Variants in PKIB observed in about 807,000 individuals in gnomAD.
PKIB encodes cAMP-dependent protein kinase inhibitor beta, also known as PKI-beta.
A neutral mutation model predicts 4.5 loss-of-function variants in PKIB; 2 were observed. The ratio of observed to expected loss-of-function variants is 0.44; its 90% CI spans 0.18 to 1.39. The LOEUF (loss-of-function observed/expected upper bound fraction) is 1.39, where lower values mean the gene tolerates loss of function less well. Ranked by LOEUF, PKIB falls within the 40% of genes most tolerant of loss-of-function variation. PKIB has a pLI of 0.27. For synonymous variants in PKIB, 38 were observed against 36.0 expected (o/e 1.06, Z -0.20); for missense variants, 94 against 92.6 (o/e 1.02, Z -0.06).
chr6:122,589,672 T>C (rs77249589), intron 3 of PKIB, among the ~76,000 whole-genome samples: 1,990 of 152,286 alleles, frequency 0.013, 50 homozygotes, highest in African/African-American at 0.046. Flanking sequence ...GGAGAGAATA[T>C]GCAGATGTGG....
intron 2 of PKIB, among the ~76,000 whole-genome samples, chr6:122,550,034 C>A (rs1409130857): frequency 6.6e-6 from 1 of 151,848 alleles, no homozygotes; most frequent in Non-Finnish European, 1.5e-5. Flanking sequence ...CCTGCCTCAG[C>A]CTCCCGAGAA....
intron 2 of PKIB, among the ~76,000 whole-genome samples, chr6:122,674,529 T>C (rs1377961088): frequency 6.6e-6 from 1 of 152,172 alleles, no homozygotes; most frequent in Non-Finnish European, 1.5e-5. Flanking sequence ...AGGAATAATA[T>C]ATAGGTAGTT....
At chr6:122,546,897 C>G (rs767845844) in intron 2 of PKIB, among the ~76,000 whole-genome samples, 3 of 152,028 alleles carry the variant, frequency 2.0e-5, no homozygotes, top group Non-Finnish European at 4.4e-5. Context: ...AGAGATGAGA[C>G]TTTCACACAT....
At chr6:122,712,902 G>A (rs1779329781) in intron 3 of PKIB, among the ~76,000 whole-genome samples, 1 of 152,130 alleles carries the variant, frequency 6.6e-6, no homozygotes, top group African/African-American at 2.4e-5. Flanking sequence ...TTATAATTAT[G>A]CTTCTAACAT....
At chr6:122,606,076 A>C (rs1347595325), upstream of PKIB, among the ~76,000 whole-genome samples, 1 of 152,192 alleles carries the variant, frequency 6.6e-6, no homozygotes, top group Non-Finnish European at 1.5e-5. Context: ...TCGAAGATGC[A>C]ATTAAAGTAA....
chr6:122,636,627 G>A (rs1053364285), intron 2 of PKIB, among the ~76,000 whole-genome samples: 14 of 152,112 alleles, frequency 9.2e-5, no homozygotes, highest in Middle Eastern at 3.4e-3. Flanking sequence ...TGTTGTACAC[G>A]TTAGCTTCCT....
intron 3 of PKIB, among the ~76,000 whole-genome samples, chr6:122,602,817 G>A (rs1332532001): frequency 6.6e-6 from 1 of 151,962 alleles, no homozygotes; most frequent in Non-Finnish European, 1.5e-5. Context: ...TTAGCCGGGT[G>A]TGGTGGTGCA....
At chr6:122,602,087 C>G (rs1157143960) in intron 3 of PKIB, among the ~76,000 whole-genome samples, 1 of 150,620 alleles carries the variant, frequency 6.6e-6, no homozygotes, top group Non-Finnish European at 1.5e-5. Flanking sequence ...GTCCTGAAGT[C>G]TGGTTGTAAA....
intron 2 of PKIB, among the ~76,000 whole-genome samples, chr6:122,646,458 G>A (rs9398686): frequency 0.25 from 38,663 of 151,970 alleles, 5,432 homozygotes; most frequent in East Asian, 0.39. Context: ...TATATTTGAA[G>A]TCAAAGAAAA....
chr6:122,474,411 T>C (rs1392819873), intron 1 of PKIB, among the ~76,000 whole-genome samples: 2 of 152,178 alleles, frequency 1.3e-5, no homozygotes, highest in African/African-American at 4.8e-5. Context: ...TTATGAAATG[T>C]ATTAATATGC....
chr6:122,674,158 A>T (rs1280820129), intron 2 of PKIB, among the ~76,000 whole-genome samples: 2 of 152,166 alleles, frequency 1.3e-5, no homozygotes, highest in African/African-American at 4.8e-5. Context: ...GGAGGGCACC[A>T]TGTACCACGT....
intron 2 of PKIB, among the ~76,000 whole-genome samples, chr6:122,534,859 A>C (rs996953389): frequency 5.3e-5 from 8 of 152,180 alleles, no homozygotes; most frequent in Non-Finnish European, 1.0e-4. Context: ...TTATTTCTAT[A>C]TATGTGTGAT....
chr6:122,540,214 T>C (rs1454709773), intron 2 of PKIB, among the ~76,000 whole-genome samples: 3 of 152,100 alleles, frequency 2.0e-5, no homozygotes, highest in Admixed American at 6.5e-5. Flanking sequence ...ATTTCTTGCC[T>C]TCTGCTAGCT....
intron 2 of PKIB, chr6:122,482,365 A>G (rs966985628): frequency 6.6e-6 from 1 of 152,166 alleles, no homozygotes; most frequent in Non-Finnish European, 1.5e-5. Flanking sequence ...GGGTTAATTT[A>G]ATAGGCTCTT....
intron 2 of PKIB, among the ~76,000 whole-genome samples, chr6:122,647,026 T>C (rs1776347520): frequency 6.6e-6 from 1 of 152,084 alleles, no homozygotes; most frequent in Non-Finnish European, 1.5e-5. Context: ...ATTTTATCAG[T>C]CAGGCTTCCA....
intron 2 of PKIB, among the ~76,000 whole-genome samples, chr6:122,652,025 A>G (rs748067777): frequency 7.9e-5 from 12 of 152,156 alleles, no homozygotes; most frequent in Non-Finnish European, 1.8e-4. Context: ...CCCTCTTCAC[A>G]ACTGAGAATT....
chr6:122,632,760 C>T (rs1010615431), intron 1 of PKIB, among the ~76,000 whole-genome samples: 1 of 152,012 alleles, frequency 6.6e-6, no homozygotes, highest in Non-Finnish European at 1.5e-5. Context: ...TGTCCTTGCT[C>T]CTTGGTATTT....
intron 2 of PKIB, among the ~76,000 whole-genome samples, chr6:122,503,219 T>C (rs1490068054): frequency 6.6e-6 from 1 of 152,222 alleles, no homozygotes; most frequent in East Asian, 1.9e-4. Flanking sequence ...TATATAAATT[T>C]GCAGGGGACA....
At chr6:122,701,993 A>T (rs1293338151) in intron 3 of PKIB, among the ~76,000 whole-genome samples, 1 of 152,186 alleles carries the variant, frequency 6.6e-6, no homozygotes, top group Non-Finnish European at 1.5e-5. Flanking sequence ...AACCAGAATA[A>T]GACTTGGATT....
Sources: allele counts gnomAD v4.1 joint callset (sites outside exome capture counted in the v4.1 genomes callset), GRCh38; gene constraint gnomAD v4.1.1; transcripts MANE v1.5; gene names NCBI Gene and HGNC (gene_info 2026-07-23, HGNC 2026-07-21).